SAP130: variants seen among roughly 807,000 people sequenced by gnomAD.
SAP130 encodes histone deacetylase complex subunit SAP130.
In SAP130, 16 loss-of-function variants were observed where a neutral mutation model predicts 103.2. The ratio of observed to expected loss-of-function variants is 0.16; its 90% confidence interval spans 0.10 to 0.24. SAP130 has a LOEUF of 0.24. Ranked by LOEUF, SAP130 falls within the 10% of genes least tolerant of loss-of-function variation. SAP130 has a pLI of 1.00. For missense variants in SAP130, 990 were observed against 1,359.7 expected, an observed-to-expected ratio of 0.73 and a Z score of 4.28; for synonymous variants, 477 against 497.0, an observed-to-expected ratio of 0.96 and a Z score of 0.53.
intron 15 of SAP130, among the ~76,000 whole-genome samples, chr2:127,956,561 G>T: frequency 7.6e-6 from 1 of 131,848 alleles, no homozygotes. Context: ...TCATGGGGTG[G>T]GGGGAGGGGG....
chr2:127,957,524 A>G (rs1388620412), intron 15 of SAP130, among the ~76,000 whole-genome samples: 2 of 151,884 alleles, frequency 1.3e-5, no homozygotes, highest in Admixed American at 1.3e-4. Context: ...AAACAGAAAC[A>G]CTAGCTGGGC....
In SAP130 at chr2:128,014,840, C is replaced by A; in HGVS notation, c.582G>T (p.Gly194=). The A allele has an allele frequency of 1.9e-6, 3 of 1,614,028 alleles. No homozygotes were observed. The highest frequency in any genetic ancestry group is 2.5e-6 in the Non-Finnish European group (3 of 1,179,950). Residue 194 remains glycine, a synonymous_variant, in exon 5 of 21, where the codon GGG becomes GGT. Transcript: ENST00000643581. The stretch of plus-strand genomic sequence containing the variant: ...GAGAAGCTCCAATGTGAAGAGGGGG[C>A]CCAGGAGCATTGCTGCGGATGATAG... The part of the protein sequence containing the change: ...QMSIIRSNAP[G]PPLHIGASHL...
At chr2:127,971,248 C>T (rs993839130) in intron 15 of SAP130, among the ~76,000 whole-genome samples, 2 of 151,702 alleles carry the variant, frequency 1.3e-5, no homozygotes, top group South Asian at 2.1e-4. Flanking sequence ...CCACAACACA[C>T]GACTATCTTT....
At chr2:128,010,883 A>T (rs557991971) in intron 6 of SAP130, among the ~76,000 whole-genome samples, 2 of 151,924 alleles carry the variant, frequency 1.3e-5, no homozygotes, top group Non-Finnish European at 2.9e-5. Flanking sequence ...AAAAGAAAAA[A>T]AAAAAAGACT....
intron 2 of SAP130, among the ~76,000 whole-genome samples, chr2:128,025,142 T>C (rs888740242): frequency 6.6e-6 from 1 of 152,130 alleles, no homozygotes; most frequent in Non-Finnish European, 1.5e-5. Flanking sequence ...CAATGTCATA[T>C]ATTTACTTAA....
At chr2:127,980,212 C>T (rs1681765576) in intron 14 of SAP130, among the ~76,000 whole-genome samples, 1 of 151,990 alleles carries the variant, frequency 6.6e-6, no homozygotes, top group South Asian at 2.1e-4. Context: ...TTTTCCATAA[C>T]AAAAATAAGG....
chr2:128,011,961 C>T (rs1331449915), intron 6 of SAP130, among the ~76,000 whole-genome samples: 1 of 152,102 alleles, frequency 6.6e-6, no homozygotes, highest in Non-Finnish European at 1.5e-5. Flanking sequence ...TACAGGCACG[C>T]ACCACCATGC....
At chr2:128,015,860 G>A (rs564127564) in intron 4 of SAP130, among the ~76,000 whole-genome samples, 4 of 149,484 alleles carry the variant, frequency 2.7e-5, no homozygotes, top group Admixed American at 6.8e-5. Context: ...AGAATGGCTC[G>A]AACACGGGAC....
intron 15 of SAP130, among the ~76,000 whole-genome samples, chr2:127,967,582 A>G (rs1680750223): frequency 1.3e-5 from 2 of 152,214 alleles, no homozygotes; most frequent in African/African-American, 2.4e-5. Flanking sequence ...TATTTTTAGT[A>G]GAGACGGGTT....
At chr2:127,965,077 G>A (rs1253985164) in intron 15 of SAP130, among the ~76,000 whole-genome samples, 3 of 149,192 alleles carry the variant, frequency 2.0e-5, no homozygotes, top group Admixed American at 6.7e-5. Context: ...TGGGCAGATC[G>A]CGAGGTCAGG....
chr2:127,993,166 T>C, intron 12 of SAP130, 21 bp downstream of exon 12: 1 of 1,613,260 alleles, frequency 6.2e-7, no homozygotes, highest in Non-Finnish European at 8.5e-7. Context: ...TGAAAAGTCA[T>C]CTAAAAAGCA....
chr2:128,008,065 T>C (rs1289997196), intron 7 of SAP130, among the ~76,000 whole-genome samples: 2 of 152,218 alleles, frequency 1.3e-5, no homozygotes, highest in Admixed American at 6.5e-5. Context: ...CACTCTGCCC[T>C]GCTTTTAGCT....
intron 7 of SAP130, among the ~76,000 whole-genome samples, chr2:128,003,705 G>A (rs1050143191): frequency 1.4e-5 from 2 of 146,654 alleles, no homozygotes; most frequent in African/African-American, 5.3e-5. Flanking sequence ...AGGTCATTCA[G>A]AAAGTGCTCC....
chr2:127,952,966 T>TTA (rs1679594397), intron 16 of SAP130, among the ~76,000 whole-genome samples: 1 of 152,076 alleles, frequency 6.6e-6, no homozygotes, highest in African/African-American at 2.4e-5. Context: ...TAAATACAAT[T>TTA]TATATATATA....
intron 6 of SAP130, among the ~76,000 whole-genome samples, chr2:128,011,307 C>T (rs1368248042): frequency 2.0e-5 from 3 of 152,230 alleles, no homozygotes; most frequent in Admixed American, 6.5e-5. Flanking sequence ...ATCACACTTA[C>T]GTGTGAAATC....
At chr2:127,992,274 A>G (rs1174059157) in intron 12 of SAP130, among the ~76,000 whole-genome samples, 2 of 145,210 alleles carry the variant, frequency 1.4e-5, no homozygotes, top group African/African-American at 5.1e-5. Flanking sequence ...GCCCGGCCCC[A>G]GGCAATAAGG....
rs905604702 is a variant in SAP130 at position 128,019,475 on chromosome 2, C to G, written c.113-1560G>C. ...ATGAAGAAAGAGTTCCACTATGTTG[C>G]CTGGTCTGGTCTTGAATACCTGGGA... On this transcript the variant is annotated intron_variant, in intron 2 of 20. Coordinates refer to ENST00000643581, the MANE Select transcript of SAP130 (RefSeq NM_001330301.2). Among the ~76,000 whole-genome samples the G allele has an allele frequency of 2.0e-5, 3 of 152,180 alleles. No individual in the cohort carries two copies. In the East Asian group the frequency reaches 5.8e-4, roughly 29 times the overall value.
chr2:128,020,464 T>C (rs1252598660), intron 2 of SAP130, among the ~76,000 whole-genome samples: 3 of 152,246 alleles, frequency 2.0e-5, no homozygotes, highest in African/African-American at 7.2e-5. Flanking sequence ...TGAGATTCAT[T>C]CACATTAGTG....
In SAP130 at chr2:128,010,424, A is replaced by C. The variant is rs1684309811; in HGVS notation, c.745-31T>G. The C allele has an allele frequency of 4.4e-6, 7 of 1,591,158 alleles. No individual in the cohort carries two copies. The East Asian group carries it at 1.6e-4, about 36-fold the overall frequency. ...AAAAGAGAAAAAACAGTTCATTTAA[A>C]ACAAAAATAAAATAGAGGAAGTCAA... On this transcript the variant is annotated intron_variant, in intron 6 of 20. Coordinates refer to ENST00000643581, the MANE Select transcript of SAP130 (RefSeq NM_001330301.2).
Sources: allele counts gnomAD v4.1 joint callset (sites outside exome capture counted in the v4.1 genomes callset), GRCh38; gene constraint gnomAD v4.1.1; transcripts MANE v1.5; gene names NCBI Gene and HGNC (gene_info 2026-07-23, HGNC 2026-07-21).